The following TSHR variants were observed in gnomAD, a reference collection of about 807,000 sequenced individuals.
TSHR encodes the protein thyrotropin receptor.
TSHR carries 51 observed loss-of-function variants against 64.1 expected under a neutral mutation model. The observed-to-expected ratio is 0.80, with a 90% CI of 0.64 to 1.01. TSHR has a LOEUF of 1.01. TSHR is among the 50% of genes least tolerant of loss of function. TSHR has a pLI of 0.00. For synonymous variants in TSHR, 361 were observed against 361.9 expected (o/e 1.00, Z 0.03); for missense variants, 877 against 942.8 (o/e 0.93, Z 0.91).
intron 8 of TSHR, among the ~76,000 whole-genome samples, chr14:81,115,099 T>C (rs1199252975): frequency 4.6e-5 from 7 of 151,900 alleles, no homozygotes; most frequent in Non-Finnish European, 7.4e-5. Flanking sequence ...ACAGAAAAAC[T>C]GGAAACTCTA....
At chr14:81,094,678 A>ATTTTTTTTTT (rs1889012799) in intron 6 of TSHR, among the ~76,000 whole-genome samples, 1 of 78,524 alleles carries the variant, frequency 1.3e-5, no homozygotes, top group African/African-American at 6.7e-5. Flanking sequence ...TTATTTTTTT[A>ATTTTTTTTTT]ATTTTTTTTT....
chr14:80,964,432 ATCAG>A (rs1887190836), intron 1 of TSHR, among the ~76,000 whole-genome samples: 1 of 152,278 alleles, frequency 6.6e-6, no homozygotes, highest in Non-Finnish European at 1.5e-5. Context: ...GTCTGAATTT[ATCAG>A]TCAATTTACT....
intron 1 of TSHR, among the ~76,000 whole-genome samples, chr14:81,036,051 A>G (rs1482697298): frequency 6.6e-6 from 1 of 152,186 alleles, no homozygotes; most frequent in Non-Finnish European, 1.5e-5. Context: ...ATCCAAAAGA[A>G]AAAAGAATAA....
chr14:81,032,692 A>G, intron 1 of TSHR: 1 of 432,506 alleles, frequency 2.3e-6, no homozygotes, highest in Admixed American at 2.9e-5. Context: ...GGTGATGCAT[A>G]CAAGAAGAAG....
At chr14:81,085,516 C>A (rs1302298052) in intron 3 of TSHR, among the ~76,000 whole-genome samples, 1 of 152,140 alleles carries the variant, frequency 6.6e-6, no homozygotes, top group Admixed American at 6.5e-5. Context: ...TCTCTCCTTG[C>A]TGCCTCTCCC....
chr14:81,135,357 T>C (rs746790985), intron 8 of TSHR, among the ~76,000 whole-genome samples: 1 of 152,244 alleles, frequency 6.6e-6, no homozygotes, highest in Non-Finnish European at 1.5e-5. Flanking sequence ...ATATAAGATC[T>C]GTGTTTTAGA....
At chr14:81,098,889 A>G (rs1319425133) in intron 7 of TSHR, among the ~76,000 whole-genome samples, 2 of 152,196 alleles carry the variant, frequency 1.3e-5, no homozygotes, top group Non-Finnish European at 2.9e-5. Context: ...ATTTTTCCAC[A>G]AGCAAAAGAT....
At chr14:81,073,077 C>T (rs542969900) in intron 3 of TSHR, among the ~76,000 whole-genome samples, 1 of 130,842 alleles carries the variant, frequency 7.6e-6, no homozygotes, top group Non-Finnish European at 1.6e-5. Flanking sequence ...TAAAAGAAAA[C>T]TGATGTAAAT....
intron 1 of TSHR, chr14:81,032,957 T>C (rs1884425140): frequency 2.8e-6 from 1 of 357,214 alleles, no homozygotes; most frequent in Non-Finnish European, 5.5e-6. Context: ...AAGAGATCCC[T>C]AGAGCCAAAA....
At chr14:81,067,927 C>CTATATATATATATATATATATATA (rs10528934) in intron 2 of TSHR, among the ~76,000 whole-genome samples, 1,429 of 95,188 alleles carry the variant, frequency 0.015, 65 homozygotes, top group African/African-American at 0.023. Flanking sequence ...CAGGGTGACA[C>CTATATATATATATATATATATATA]TATATATATA....
At position 81,143,772 on chromosome 14, in the gene TSHR, AT is replaced by A; in HGVS notation, c.1715del (p.Met572ArgfsTer16). On this transcript the variant is annotated frameshift_variant, in exon 10 of 10. Transcript: ENST00000298171. LOFTEE classifies it high-confidence loss of function. ...TGCCAAAGTCAGTATCTGCCTGCCC[AT>A]GGACACCGAGACCCCTCTTGCTCTG... Reference protein sequence around the residue: ...SYAKVSICLPMDTETPLALAY... With the variant: ...SYAKVSICLPXDTETPLALAY... The A allele has an allele frequency of 6.2e-7, 1 of 1,613,872 alleles. No homozygotes were observed. The highest frequency in any genetic ancestry group is 1.1e-5 in the South Asian group (1 of 91,052).
chr14:81,063,344 C>G (rs1253703618), intron 2 of TSHR, among the ~76,000 whole-genome samples: 2 of 152,110 alleles, frequency 1.3e-5, no homozygotes, highest in African/African-American at 4.8e-5. Flanking sequence ...TCTAATTCCT[C>G]TATACCCCAC....
chr14:81,090,758 C>T (rs1888665189), intron 4 of TSHR, among the ~76,000 whole-genome samples: 1 of 152,170 alleles, frequency 6.6e-6, no homozygotes, highest in African/African-American at 2.4e-5. Flanking sequence ...CACACACACA[C>T]ACACACGAAA....
At chr14:81,017,386 G>A (rs1309932044) in intron 1 of TSHR, among the ~76,000 whole-genome samples, 1 of 152,172 alleles carries the variant, frequency 6.6e-6, no homozygotes, top group Non-Finnish European at 1.5e-5. Context: ...CCTCAGTAGA[G>A]CTCCCAGTAA....
intron 8 of TSHR, chr14:81,108,678 A>T: frequency 6.2e-7 from 1 of 1,614,048 alleles, no homozygotes; most frequent in African/African-American, 1.3e-5. Context: ...GTATGCCATC[A>T]TGATGCCTGC....
chr14:81,054,692 G>A (rs1197485311), intron 1 of TSHR, among the ~76,000 whole-genome samples: 5 of 152,130 alleles, frequency 3.3e-5, no homozygotes, highest in African/African-American at 1.2e-4. Flanking sequence ...TTGCCCTGGA[G>A]ATTTGTGGAA....
chr14:81,064,542 T>TG (rs1298799709), intron 2 of TSHR, among the ~76,000 whole-genome samples: 1 of 152,238 alleles, frequency 6.6e-6, no homozygotes, highest in East Asian at 1.9e-4. Flanking sequence ...CTCTGAGAGC[T>TG]GGGGATACAT....
intron 8 of TSHR, among the ~76,000 whole-genome samples, chr14:81,120,242 G>C (rs889398757): frequency 6.6e-6 from 1 of 151,984 alleles, no homozygotes; most frequent in African/African-American, 2.4e-5. Context: ...CCATGGTAAT[G>C]CCCACCAGCC....
intron 1 of TSHR, among the ~76,000 whole-genome samples, chr14:81,031,336 C>A (rs1261752305): frequency 6.6e-6 from 1 of 152,000 alleles, no homozygotes; most frequent in Non-Finnish European, 1.5e-5. Flanking sequence ...TAGGCTCTGA[C>A]TGGGTATCTT....
Sources: allele counts gnomAD v4.1 joint callset (sites outside exome capture counted in the v4.1 genomes callset), GRCh38; gene constraint gnomAD v4.1.1; transcripts MANE v1.5; gene names NCBI Gene and HGNC (gene_info 2026-07-23, HGNC 2026-07-21).